Variants in SLC6A9 observed in about 807,000 individuals in gnomAD.
SLC6A9 encodes sodium- and chloride-dependent glycine transporter 1.
A neutral mutation model predicts 70.9 loss-of-function variants in SLC6A9; 31 were observed. The observed-to-expected ratio is 0.44, with a 90% CI of 0.33 to 0.59. The LOEUF (loss-of-function observed/expected upper bound fraction) is 0.59. SLC6A9 is among the 20% of genes least tolerant of loss of function. The pLI, the probability that SLC6A9 is intolerant of heterozygous loss-of-function variation, is 0.04. For missense variants in SLC6A9, 631 were observed against 845.2 expected, an observed-to-expected ratio of 0.75 and a Z score of 3.14; for synonymous variants, 310 against 341.3, an observed-to-expected ratio of 0.91 and a Z score of 1.01.
At chr1:44,031,166 T>TCACACACACACACACACACACA (rs66939562) in intron 1 of SLC6A9, 140 bp downstream of exon 1, 2 of 148,200 alleles carry the variant, frequency 1.3e-5, no homozygotes, top group African/African-American at 5.0e-5. Flanking sequence ...ACATGCGCGA[T>TCACACACACACACACACACACA]CACACACACA....
rs1360866821 is a variant in SLC6A9 at position 44,018,650 on chromosome 1, AAGAC to A, written c.30+5594_30+5597del. 2.7e-5 allele frequency among the ~76,000 whole-genome samples: 4 copies of A among 150,728 alleles called. No individual in the cohort carries two copies. The highest frequency in any genetic ancestry group is 7.3e-5 in the African/African-American group (3 of 41,170). On this transcript the variant is annotated intron_variant, in intron 2 of 13. Transcript: ENST00000372310. The surrounding 1 kb of genome is among the most constrained non-coding windows in gnomAD (Gnocchi z 4.2). ...AATAATAATAATAAATAAAAATAAA[AAGAC>A]AGGTGGGGCACAGTGGCTTAGGCCT...
At chr1:44,012,715 A>G (rs887821978) in intron 2 of SLC6A9, among the ~76,000 whole-genome samples, 1 of 152,240 alleles carries the variant, frequency 6.6e-6, no homozygotes, top group Non-Finnish European at 1.5e-5. Flanking sequence ...ATCATCTCAA[A>G]ATCACAAGAG....
chr1:44,028,779 AAGAG>A (rs141741974), intron 1 of SLC6A9, among the ~76,000 whole-genome samples: 110 of 149,568 alleles, frequency 7.4e-4, no homozygotes, highest in African/African-American at 2.0e-3. Flanking sequence ...AGAAAAAAGA[AAGAG>A]AGAGAGAGAA....
chr1:43,997,131 T>C lies in SLC6A9; in HGVS notation c.*414A>G. 1 of 208,708 alleles carries C rather than the reference T, an allele frequency of 4.8e-6. No individual in the cohort carries two copies. Among genetic ancestry groups the C allele is most frequent in the South Asian group, 8.5e-5 (1 of 11,778 alleles). The allele number at this position is 208,708 out of a possible 1,614,324, so 12.9% of individuals were successfully genotyped here. On this transcript the variant is annotated 3_prime_UTR_variant, in exon 14 of 14. Transcript: ENST00000372310. This position sits in a 1 kb window ranked among gnomAD's most constrained non-coding sequence, Gnocchi z 4.4. Reference sequence around the variant, plus strand: ...CCTTCATCCTGCCCCTAGGGAGGAATAGCCAAATGTGCCTGGCAGAGGCTG... The same window carrying C: ...CCTTCATCCTGCCCCTAGGGAGGAACAGCCAAATGTGCCTGGCAGAGGCTG...
Position 44,003,033 on chromosome 1 carries a change from C to A in SLC6A9, c.591-48G>T, listed in dbSNP as rs758699127. 21 of 1,609,842 alleles carry A rather than the reference C, an allele frequency of 1.3e-5. No homozygotes were observed. The South Asian group carries it at 2.3e-4, about 18-fold the overall frequency. On this transcript the variant is annotated intron_variant, in intron 5 of 13. Transcript: ENST00000372310. ...CTGAGGGCCAGCCGCCGCTGCCCAG[C>A]AACAAATTCCCAAGGCCCAGGGCCC...
At position 43,997,255 on chromosome 1, in the gene SLC6A9, G is replaced by A; in HGVS notation, c.*290C>T. On this transcript the variant is annotated 3_prime_UTR_variant, in exon 14 of 14. Transcript: ENST00000372310. The surrounding 1 kb of genome is among the most constrained non-coding windows in gnomAD (Gnocchi z 4.4). ...ATAAGGGTATCGGAGGCCACGTAAA[G>A]CCATCCAGGCTGCTGGGGACCTGGC... 2.2e-6 allele frequency: 1 copy of A among 448,592 alleles called. No individual in the cohort carries two copies. Among genetic ancestry groups the A allele is most frequent in the Non-Finnish European group, 4.0e-6 (1 of 249,852 alleles). The allele number at this position is 448,592 out of a possible 1,614,324, so 27.8% of individuals were successfully genotyped here.
chr1:44,003,798 G>A (rs1276225091), intron 5 of SLC6A9, among the ~76,000 whole-genome samples: 3 of 150,826 alleles, frequency 2.0e-5, no homozygotes, highest in Non-Finnish European at 4.4e-5. Flanking sequence ...TCTCCCCTCT[G>A]GGTGGCTCCA....
At position 44,002,226 on chromosome 1, in the gene SLC6A9, T is replaced by C; in HGVS notation, c.962+87A>G. On this transcript the variant is annotated intron_variant, in intron 8 of 13. Transcript: ENST00000372310. This position sits in a 1 kb window ranked among gnomAD's most constrained non-coding sequence, Gnocchi z 5.5. The stretch of plus-strand genomic sequence containing the variant: ...CAAGATCATGAGGGGAAAGGAGGCC[T>C]CGTGGGCCCATGGCTGCACTGGAGC... The C allele has an allele frequency of 4.4e-6, 4 of 905,876 alleles. No individual in the cohort carries two copies. The Middle Eastern group carries it at 8.7e-4, about 196-fold the overall frequency. The allele number at this position is 905,876 out of a possible 1,614,324, so 56.1% of individuals were successfully genotyped here. A position where few individuals can be genotyped will look rare whatever the true frequency, so the allele number is the denominator to read the frequency against.
intron 12 of SLC6A9, 122 bp downstream of exon 12, chr1:44,000,645 A>G: frequency 1.5e-6 from 1 of 671,208 alleles, no homozygotes; most frequent in Non-Finnish European, 2.6e-6. Flanking sequence ...CAAAGGCCAG[A>G]GTCATGGGTA....
chr1:43,998,156 A>C, intron 12 of SLC6A9, 131 bp from the exon 13 acceptor site: 1 of 841,940 alleles, frequency 1.2e-6, no homozygotes, highest in Non-Finnish European at 1.8e-6. Context: ...GAACAGGGAC[A>C]GCTGTCAACA....
At chr1:44,007,892 CTTT>C (rs55829171) in intron 5 of SLC6A9, among the ~76,000 whole-genome samples, 26 of 128,940 alleles carry the variant, frequency 2.0e-4, no homozygotes, top group Admixed American at 2.3e-4. Context: ...TGCTTTCTTT[CTTT>C]TTTTTTTTTT....
intron 2 of SLC6A9, among the ~76,000 whole-genome samples, chr1:44,020,395 G>A (rs1426459369): frequency 2.6e-5 from 4 of 152,208 alleles, no homozygotes; most frequent in African/African-American, 7.2e-5. Context: ...AGTACCCCGG[G>A]TATGTCGAAT....
At chr1:44,020,501 G>A (rs967864574) in intron 2 of SLC6A9, among the ~76,000 whole-genome samples, 4 of 152,198 alleles carry the variant, frequency 2.6e-5, no homozygotes. Context: ...CCTACAGGGT[G>A]ACAGGCTGTC....
intron 1 of SLC6A9, among the ~76,000 whole-genome samples, chr1:44,026,899 C>T (rs1432272702): frequency 6.6e-6 from 1 of 152,208 alleles, no homozygotes; most frequent in Non-Finnish European, 1.5e-5. Context: ...TCAGACCCTA[C>T]ATCTCTGACT....
intron 5 of SLC6A9, among the ~76,000 whole-genome samples, chr1:44,007,892 CTTTT>C (rs55829171): frequency 6.2e-5 from 8 of 128,964 alleles, no homozygotes; most frequent in Non-Finnish European, 1.3e-4. Context: ...TGCTTTCTTT[CTTTT>C]TTTTTTTTTT....
Position 44,002,187 on chromosome 1 carries a change from T to C in SLC6A9, c.962+126A>G. On this transcript the variant is annotated intron_variant, in intron 8 of 13. Transcript: ENST00000372310. This position sits in a 1 kb window ranked among gnomAD's most constrained non-coding sequence, Gnocchi z 5.5. ...CTCCAACAACTTTATCCAGAACCAG[T>C]ATTCCCAGAACCTCAAGATCATGAG... The C allele has an allele frequency of 7.3e-6, 5 of 688,878 alleles. No individual in the cohort carries two copies. Among genetic ancestry groups the C allele is most frequent in the Non-Finnish European group, 1.3e-5 (5 of 377,460 alleles). 42.7% of individuals were successfully genotyped at this position (688,878 alleles called of 1,614,324 possible). A position where few individuals can be genotyped will look rare whatever the true frequency, so the allele number is the denominator to read the frequency against.
chr1:44,015,874 G>GC, intron 2 of SLC6A9: 6 of 985,418 alleles, frequency 6.1e-6, no homozygotes, highest in Non-Finnish European at 7.2e-6. Flanking sequence ...TCTCCCCCGG[G>GC]CCGAGCAGCC....
At chr1:44,022,501 G>A (rs951458808) in intron 2 of SLC6A9, among the ~76,000 whole-genome samples, 1 of 152,048 alleles carries the variant, frequency 6.6e-6, no homozygotes, top group African/African-American at 2.4e-5. Context: ...CAGATTTCAG[G>A]AATCTCAGGA....
chr1:44,005,986 A>C (rs2086295731), intron 5 of SLC6A9, among the ~76,000 whole-genome samples: 1 of 152,174 alleles, frequency 6.6e-6, no homozygotes, highest in Non-Finnish European at 1.5e-5. Context: ...TTACTGGATA[A>C]AATCTCTAGA....
Sources: gnomAD v4.1 joint callset for allele counts (sites outside exome capture counted in the v4.1 genomes callset) on GRCh38, gnomAD v4.1.1 for gene constraint, Gnocchi (gnomAD v3.1) non-coding constraint, MANE v1.5 for transcripts, NCBI Gene and HGNC (gene_info 2026-07-23, HGNC 2026-07-21) for gene names.